Variants in DIS3L2 observed in about 807,000 individuals in gnomAD.
DIS3L2 encodes DIS3 like 3'-5' exoribonuclease 2, also known as DIS3-like exonuclease 2.
A neutral mutation model predicts 97.5 loss-of-function variants in DIS3L2; 34 were observed. The ratio of observed to expected loss-of-function variants is 0.35; its 90% confidence interval spans 0.27 to 0.46. The LOEUF (loss-of-function observed/expected upper bound fraction) is 0.46. DIS3L2 is among the 20% of genes least tolerant of loss of function. The pLI is 1.00. For missense variants in DIS3L2, 1,038 were observed against 1,146.0 expected (o/e 0.91, Z 1.36); for synonymous variants, 435 against 445.2 (o/e 0.98, Z 0.29).
At chr2:232,341,460 A>G (rs1211625011), downstream of DIS3L2, among the ~76,000 whole-genome samples, 2 of 152,174 alleles carry the variant, frequency 1.3e-5, no homozygotes, top group African/African-American at 2.4e-5. Flanking sequence ...GATTGGCTCC[A>G]GAGAAAACAG....
chr2:232,018,597 G>C lies in DIS3L2; in HGVS notation c.210+2926G>C, dbSNP rs376092713. Among the ~76,000 whole-genome samples the C allele has an allele frequency of 1.0e-3, 153 of 152,170 alleles. 1 individual carries two copies. The highest frequency in any genetic ancestry group is 3.6e-3 in the African/African-American group (150 of 41,500). On this transcript the variant is annotated intron_variant, in intron 3 of 20. Coordinates refer to ENST00000325385, the MANE Select transcript of DIS3L2 (RefSeq NM_152383.5). ...CTGATGGAGAAAATTAAGTGTATTA[G>C]AGATACTTAGAAACTTTTGTTAACT...
At chr2:232,026,321 A>G (rs1314357840) in intron 4 of DIS3L2, among the ~76,000 whole-genome samples, 1 of 152,082 alleles carries the variant, frequency 6.6e-6, no homozygotes, top group Non-Finnish European at 1.5e-5. Context: ...CCTGAGTTCA[A>G]ATGTAGAATT....
intron 1 of DIS3L2, among the ~76,000 whole-genome samples, chr2:231,967,877 A>G (rs1369569552): frequency 6.6e-6 from 1 of 152,184 alleles, no homozygotes; most frequent in Non-Finnish European, 1.5e-5. Flanking sequence ...GGTTAAGACC[A>G]TATTTTTTTG....
chr2:231,991,695 C>T (rs1693588757), intron 1 of DIS3L2, among the ~76,000 whole-genome samples: 1 of 152,116 alleles, frequency 6.6e-6, no homozygotes, highest in Non-Finnish European at 1.5e-5. Flanking sequence ...CCTGATGTGA[C>T]ATTAGGCCGT....
chr2:232,298,479 A>G (rs1694774224), intron 13 of DIS3L2, among the ~76,000 whole-genome samples: 1 of 152,224 alleles, frequency 6.6e-6, no homozygotes, highest in South Asian at 2.1e-4. Flanking sequence ...GGGAAGATTC[A>G]AGTGGTGCTC....
At chr2:232,024,876 CTCTTTCCACTTAAA>C (rs1470402959) in intron 4 of DIS3L2, among the ~76,000 whole-genome samples, 1 of 152,052 alleles carries the variant, frequency 6.6e-6, no homozygotes, top group Non-Finnish European at 1.5e-5. Context: ...TTTTAAGAGG[CTCTTTCCACTTAAA>C]TCAAGTTTAC....
rs139292788 is a variant in DIS3L2, at chr2:232,238,897, C to T, written c.1317+252C>T. ...CTAAAGCAGGGCTCGGCAAACTCAG[C>T]CCACACTAGCGACTAGTTTTTGTAA... On this transcript the variant is annotated intron_variant, in intron 11 of 20. Coordinates refer to ENST00000325385, the MANE Select transcript of DIS3L2 (RefSeq NM_152383.5). Among the ~76,000 whole-genome samples the T allele has an allele frequency of 3.6e-3, 548 of 152,300 alleles. 2 individuals carry two copies. The highest frequency in any genetic ancestry group is 5.3e-3 in the Non-Finnish European group (361 of 68,026).
At chr2:232,079,498 G>A (rs1057248466) in intron 5 of DIS3L2, among the ~76,000 whole-genome samples, 1 of 150,922 alleles carries the variant, frequency 6.6e-6, no homozygotes, top group Non-Finnish European at 1.5e-5. Flanking sequence ...TACTTGGGAG[G>A]CTGAGGCAGG....
At chr2:232,275,532 C>T (rs933460694) in intron 13 of DIS3L2, among the ~76,000 whole-genome samples, 3 of 152,118 alleles carry the variant, frequency 2.0e-5, no homozygotes, top group Non-Finnish European at 4.4e-5. Context: ...CCTCAAGAAA[C>T]TCCCACATTT....
chr2:232,309,686 A>C (rs1218390886), intron 14 of DIS3L2, among the ~76,000 whole-genome samples: 1 of 152,070 alleles, frequency 6.6e-6, no homozygotes, highest in Non-Finnish European at 1.5e-5. Flanking sequence ...TCCTCAAGCC[A>C]AAGCCAAAGC....
At chr2:232,201,868 A>G (rs1691902698) in intron 9 of DIS3L2, among the ~76,000 whole-genome samples, 1 of 152,238 alleles carries the variant, frequency 6.6e-6, no homozygotes, top group Non-Finnish European at 1.5e-5. Flanking sequence ...TAAAGCCAAT[A>G]TGGAAAAATG....
intron 14 of DIS3L2, among the ~76,000 whole-genome samples, chr2:232,328,238 C>T (rs1002129886): frequency 6.6e-6 from 1 of 152,202 alleles, no homozygotes; most frequent in African/African-American, 2.4e-5. Context: ...CCAGCTGTCA[C>T]CTGCCTTACT....
chr2:231,995,600 A>C (rs190156719), intron 1 of DIS3L2, among the ~76,000 whole-genome samples: 1 of 152,302 alleles, frequency 6.6e-6, no homozygotes, highest in East Asian at 1.9e-4. Flanking sequence ...TGCGGCTTTA[A>C]ACCACTCTTG....
chr2:231,962,840 G>A (rs1256918207), intron 1 of DIS3L2, among the ~76,000 whole-genome samples: 1 of 152,146 alleles, frequency 6.6e-6, no homozygotes, highest in Non-Finnish European at 1.5e-5. Flanking sequence ...GTGGTGTTTA[G>A]TTTTCTGTTC....
intron 10 of DIS3L2, among the ~76,000 whole-genome samples, chr2:232,222,308 C>CAGAGGGCATTCCAACG (rs1692527893): frequency 1.1e-5 from 1 of 94,548 alleles, no homozygotes; most frequent in Admixed American, 1.2e-4. Flanking sequence ...TATTTTATGT[C>CAGAGGGCATTCCAACG]TCAGGCAGAT....
chr2:232,219,926 T>G (rs918076766), intron 10 of DIS3L2, among the ~76,000 whole-genome samples: 1 of 152,148 alleles, frequency 6.6e-6, no homozygotes, highest in Non-Finnish European at 1.5e-5. Flanking sequence ...AAATGTTTTT[T>G]CCCTTTAGTT....
At chr2:232,222,370 G>A (rs932757372) in intron 10 of DIS3L2, among the ~76,000 whole-genome samples, 8 of 152,136 alleles carry the variant, frequency 5.3e-5, no homozygotes, top group African/African-American at 7.2e-5. Context: ...TTGTAGTAGG[G>A]CCCTTGATAA....
intron 14 of DIS3L2, among the ~76,000 whole-genome samples, chr2:232,327,305 G>A (rs182149102): frequency 5.3e-5 from 8 of 152,338 alleles, no homozygotes; most frequent in Admixed American, 3.9e-4. Context: ...GCAAAATGCA[G>A]CCCAGGGTCG....
intron 10 of DIS3L2, among the ~76,000 whole-genome samples, chr2:232,231,857 T>A (rs1692802192): frequency 6.6e-6 from 1 of 152,244 alleles, no homozygotes; most frequent in South Asian, 2.1e-4. Context: ...AGGTAGTTCA[T>A]GATCCGCATG....
Sources: gnomAD v4.1 joint callset for allele counts (sites outside exome capture counted in the v4.1 genomes callset) on GRCh38, gnomAD v4.1.1 for gene constraint, MANE v1.5 for transcripts, NCBI Gene and HGNC (gene_info 2026-07-23, HGNC 2026-07-21) for gene names.